FAM193B: variants seen among roughly 807,000 people sequenced by gnomAD.
The protein encoded by FAM193B is family with sequence similarity 193 member B, also known as protein FAM193B.
A neutral mutation model predicts 70.7 loss-of-function variants in FAM193B; 27 were observed. The ratio of observed to expected loss-of-function variants is 0.38; its 90% CI spans 0.28 to 0.53. The LOEUF (loss-of-function observed/expected upper bound fraction) is 0.53, where lower values mean the gene tolerates loss of function less well. Among genes scored for constraint, FAM193B ranks in the 20% least tolerant of loss-of-function variants. The pLI is 0.81. For synonymous variants in FAM193B, 448 were observed against 436.0 expected (o/e 1.03, Z -0.34); for missense variants, 1,022 against 1,072.5 (o/e 0.95, Z 0.66).
chr5:177,531,639 G>A (rs1763481097), intron 5 of FAM193B: 4 of 896,906 alleles, frequency 4.5e-6, no homozygotes, highest in Non-Finnish European at 5.9e-6. Flanking sequence ...TCTACCATTA[G>A]CCACCAAGGC....
chr5:177,531,568 G>T (rs963479117), intron 5 of FAM193B: 1 of 1,223,884 alleles, frequency 8.2e-7, no homozygotes, highest in South Asian at 1.4e-5. Context: ...GGCCTGGGGG[G>T]CCCACAGCAC....
At chr5:177,550,098 T>C (rs1001423433) in intron 1 of FAM193B, among the ~76,000 whole-genome samples, 1 of 152,176 alleles carries the variant, frequency 6.6e-6, no homozygotes, top group African/African-American at 2.4e-5. Context: ...AAGTATCACT[T>C]GAGTCCAGGA....
At position 177,524,635 on chromosome 5, in the gene FAM193B, CCTTT is replaced by C. The variant is rs750148587; in HGVS notation, c.1842_1845del (p.Glu616PhefsTer43). On this transcript the variant is annotated frameshift_variant, in exon 6 of 9. Coordinates refer to ENST00000514747, the MANE Select transcript of FAM193B (RefSeq NM_001190946.3). LOFTEE classifies it high-confidence loss of function. ...AGCTCCTGCTTGCAACTGGGAACTT[CCTTT>C]GAGCTTGGCTCCTCGGAGCTGGGGT... The C allele has an allele frequency of 6.2e-7, 1 of 1,612,846 alleles. No individual in the cohort carries two copies. The highest frequency in any genetic ancestry group is 1.7e-5 in the Admixed American group (1 of 59,942).
At position 177,525,159 on chromosome 5, in the gene FAM193B, T is replaced by C. The variant is rs959370401; in HGVS notation, c.1322A>G (p.Asn441Ser). 6.6e-7 allele frequency: 1 copy of C among 1,513,198 alleles called. No homozygotes were observed. The highest frequency in any genetic ancestry group is 1.4e-5 in the African/African-American group (1 of 71,042). The allele number at this position is 1,513,198 out of a possible 1,614,324, so 93.7% of individuals were successfully genotyped here. ...TGGCTCCCGGCTTCCAGAAACACGA[T>C]TTGCCTGCTTTAGAGCTTCTGCTGC... ...QLAAEALKQA[N>S]RVSGSREPRP... Residue 441 changes from asparagine (N) to serine (S), a missense_variant, in exon 6 of 9, where the codon AAT (asparagine) becomes AGT (serine). Asn to Ser is a conservative substitution (Grantham distance 46). Coordinates refer to ENST00000514747, the MANE Select transcript of FAM193B (RefSeq NM_001190946.3).
chr5:177,550,988 CAG>C (rs1766151823), intron 1 of FAM193B, among the ~76,000 whole-genome samples: 2 of 146,754 alleles, frequency 1.4e-5, no homozygotes, highest in African/African-American at 5.0e-5. Flanking sequence ...AACCCATGCC[CAG>C]CTAAGTTTTG....
At chr5:177,528,717 G>T (rs188593779) in intron 5 of FAM193B, among the ~76,000 whole-genome samples, 1 of 152,194 alleles carries the variant, frequency 6.6e-6, no homozygotes, top group Non-Finnish European at 1.5e-5. Flanking sequence ...AAGGCCTAGC[G>T]GTTTGAGAAG....
rs1581845682 is a variant in FAM193B, at chr5:177,525,520, G to A, written c.1276-315C>T. ...GAGTAAAGCCAAAGTGGGGATGCATGTGAAGACCACTACTAGAGAGGCATT... is the reference window on the plus strand; with the variant it reads ...GAGTAAAGCCAAAGTGGGGATGCATATGAAGACCACTACTAGAGAGGCATT... On this transcript the variant is annotated intron_variant, in intron 5 of 8. Transcript: ENST00000514747. 4 of 264,224 alleles carry A rather than the reference G, an allele frequency of 1.5e-5. No homozygotes were observed. The East Asian group carries it at 2.7e-4, about 18-fold the overall frequency. The allele number at this position is 264,224 out of a possible 1,614,324, so 16.4% of individuals were successfully genotyped here.
At position 177,554,364 on chromosome 5, in the gene FAM193B, G is replaced by T; in HGVS notation, c.95C>A (p.Pro32Gln). ...GPQKPQAPEP[P>Q]PPPSLEAGAG... ...TCCCGCCTCCAGGCTTGGCGGCGGC[G>T]GGGGCTCGGGCGCCTGGGGCTTCTG... is the stretch of plus-strand genomic sequence containing the variant. The change falls in exon 1 of 9, where the codon CCG becomes CAG. Residue 32 changes from proline to glutamine, a missense_variant. By Grantham distance (76) the Pro-to-Gln change is moderately conservative. Transcript: ENST00000514747. The T allele has an allele frequency of 8.2e-7, 1 of 1,217,420 alleles. No individual in the cohort carries two copies. The highest frequency in any genetic ancestry group is 3.8e-5 in the South Asian group (1 of 26,366). The allele number at this position is 1,217,420 out of a possible 1,614,324, so 75.4% of individuals were successfully genotyped here.
rs551133025 is a variant in FAM193B at position 177,525,916 on chromosome 5, C to CT, written c.1276-712dup. 1.6e-3 allele frequency among the ~76,000 whole-genome samples: 246 copies of CT among 152,356 alleles called. 2 individuals carry two copies. Among genetic ancestry groups the CT allele is most frequent in the African/African-American group, 5.5e-3 (227 of 41,582 alleles). On this transcript the variant is annotated intron_variant, in intron 5 of 8. Transcript: ENST00000514747. ...GAATCAAAATGAAAGTCTGTGGGATCTCAGTCACCCCAACCTCTCCATCCC... is the reference window on the plus strand; with the variant it reads ...GAATCAAAATGAAAGTCTGTGGGATCTTCAGTCACCCCAACCTCTCCATCCC...
At chr5:177,530,893 C>T (rs1447883586) in intron 5 of FAM193B, among the ~76,000 whole-genome samples, 2 of 152,200 alleles carry the variant, frequency 1.3e-5, no homozygotes, top group Non-Finnish European at 2.9e-5. Flanking sequence ...CATCCCAGTA[C>T]TTGTCACATG....
At chr5:177,548,806 C>G (rs1237386481) in intron 1 of FAM193B, among the ~76,000 whole-genome samples, 1 of 152,186 alleles carries the variant, frequency 6.6e-6, no homozygotes, top group African/African-American at 2.4e-5. Context: ...ACATCACGTT[C>G]TCTTTCCTGC....
intron 1 of FAM193B, among the ~76,000 whole-genome samples, chr5:177,544,812 T>G (rs1392168861): frequency 6.6e-6 from 1 of 152,254 alleles, no homozygotes; most frequent in African/African-American, 2.4e-5. Flanking sequence ...TAAATGAGTA[T>G]GAAGACTTCA....
chr5:177,553,542 T>A (rs1766585949), intron 1 of FAM193B: 1 of 1,135,988 alleles, frequency 8.8e-7, no homozygotes, highest in Non-Finnish European at 1.1e-6. Context: ...TTCTTCCAGG[T>A]GGCAAGCTGG....
At chr5:177,522,151 C>CCCTTAAGAGA (rs1761849837) in intron 7 of FAM193B, 80 bp from the exon 8 acceptor site, 3 of 1,135,422 alleles carry the variant, frequency 2.6e-6, no homozygotes, top group Non-Finnish European at 3.9e-6. Flanking sequence ...GTACCATGTC[C>CCCTTAAGAGA]CCATCACTAA....
intron 5 of FAM193B, among the ~76,000 whole-genome samples, chr5:177,526,677 C>T (rs1042270231): frequency 1.3e-5 from 2 of 152,206 alleles, no homozygotes; most frequent in Non-Finnish European, 2.9e-5. Flanking sequence ...CTTTAATCCT[C>T]GCCACTGTCT....
At chr5:177,536,177 C>A (rs1001698947) in intron 4 of FAM193B, 181 bp downstream of exon 4, 4 of 669,122 alleles carry the variant, frequency 6.0e-6, no homozygotes, top group Admixed American at 6.3e-5. Context: ...ACTCCCAAAG[C>A]GCTAGGAGTA....
At position 177,538,853 on chromosome 5, in the gene FAM193B, C is replaced by T; in HGVS notation, c.453+52G>A. On this transcript the variant is annotated intron_variant, in intron 2 of 8. Transcript: ENST00000514747. The surrounding 1 kb of genome is among the most constrained non-coding windows in gnomAD (Gnocchi z 4.1). ...CTGAGGACAGGGAACAGCCTGACTT[C>T]CTTGGGGAGGAGCCCTCCTGCATTC... The T allele has an allele frequency of 5.0e-6, 8 of 1,604,384 alleles. No individual in the cohort carries two copies. In the South Asian group the frequency reaches 7.8e-5, roughly 16 times the overall value.
In FAM193B at chr5:177,524,982, T is replaced by C. The variant is rs747545290; in HGVS notation, c.1499A>G (p.Asn500Ser). The change falls in exon 6 of 9, where the codon AAT (asparagine) becomes AGT (serine). Residue 500 changes from asparagine (N) to serine (S), a missense_variant. By Grantham distance (46) the Asn-to-Ser change is conservative (BLOSUM62 1). Transcript: ENST00000514747. ...AGCAGCCCCCTCCTTAGAGAAGCCA[T>C]TGCTGTCCATGCTGAGCTCACACAC... ...FSVCELSMDS[N>S]GFSKEGAAEP... 8 of 1,516,640 alleles carry C rather than the reference T, an allele frequency of 5.3e-6. No homozygotes were observed. The highest frequency in any genetic ancestry group is 4.5e-5 in the Admixed American group (2 of 44,358). The allele number at this position is 1,516,640 out of a possible 1,614,324, so 93.9% of individuals were successfully genotyped here. A position where few individuals can be genotyped will look rare whatever the true frequency, so the allele number is the denominator to read the frequency against.
In FAM193B at chr5:177,539,028, G is replaced by C. The variant is rs755148059; in HGVS notation, c.330C>G (p.Pro110=). The change falls in exon 2 of 9, where the codon CCC becomes CCG. Residue 110 remains proline (P), a synonymous_variant. Transcript: ENST00000514747. The part of the protein sequence containing the change: ...NGLVLQGEKL[P]PDFMPKLVKN... ...TGACGAGCTTTGGCATGAAGTCAGGGGGCAGCTTCTCACCCTGCAACACCA... is the reference window on the plus strand; with the variant it reads ...TGACGAGCTTTGGCATGAAGTCAGGCGGCAGCTTCTCACCCTGCAACACCA... 9.3e-6 allele frequency: 15 copies of C among 1,614,002 alleles called. No homozygotes were observed. The Admixed American group carries it at 2.5e-4, about 27-fold the overall frequency.
Sources: gnomAD v4.1 joint callset for allele counts (sites outside exome capture counted in the v4.1 genomes callset) on GRCh38, gnomAD v4.1.1 for gene constraint, Gnocchi (gnomAD v3.1) non-coding constraint, MANE v1.5 for transcripts, NCBI Gene and HGNC (gene_info 2026-07-23, HGNC 2026-07-21) for gene names.